The following TNPO1 variants were observed in gnomAD, a reference collection of about 807,000 sequenced individuals.
TNPO1 encodes transportin 1, also known as transportin-1.
In TNPO1, 8 loss-of-function variants were observed where a neutral mutation model predicts 119.5. That is an observed-to-expected ratio of 0.07 (90% CI 0.04 to 0.12). TNPO1 has a LOEUF of 0.12. Ranked by LOEUF, TNPO1 falls within the 10% of genes least tolerant of loss-of-function variation. The pLI, the probability that TNPO1 is intolerant of heterozygous loss-of-function variation, is 1.00. For missense variants in TNPO1, 576 were observed against 1,089.8 expected (o/e 0.53, Z 6.64); for synonymous variants, 362 against 363.0 (o/e 1.00, Z 0.03).
intron 1 of TNPO1, among the ~76,000 whole-genome samples, chr5:72,839,049 G>A (rs1351324018): frequency 6.6e-6 from 1 of 152,092 alleles, no homozygotes; most frequent in Non-Finnish European, 1.5e-5. Flanking sequence ...CTTTTAAAAA[G>A]CTTTTTTTCT....
rs71614493 is a variant in TNPO1 at position 72,862,992 on chromosome 5, TTGTGTGTG to T, written c.462+1105_462+1112del. Reference sequence around the variant, plus strand: ...TACATTAACTCTGACCTGTGGGTTTTTGTGTGTGTGTGTGTGTGTGTGTGTGTGTGTGT... The same window carrying T: ...TACATTAACTCTGACCTGTGGGTTTTTGTGTGTGTGTGTGTGTGTGTGTGT... On this transcript the variant is annotated intron_variant, in intron 5 of 24. Transcript: ENST00000337273. Among the ~76,000 whole-genome samples, 713 of 144,848 alleles carry T rather than the reference TTGTGTGTG, an allele frequency of 4.9e-3. 4 individuals carry two copies. Among genetic ancestry groups the T allele is most frequent in the African/African-American group, 0.017 (660 of 39,106 alleles).
rs375843339 is a variant in TNPO1 at position 72,816,700 on chromosome 5, C to A, written c.-38C>A. ...TCAGGCCCCGGACAGGAGGCAGTGC[C>A]GCTTCGGCCGAAGGCCCGAGCGCCC... On this transcript the variant is annotated 5_prime_UTR_variant, in exon 1 of 25. Coordinates refer to ENST00000337273, the MANE Select transcript of TNPO1 (RefSeq NM_002270.4). 71 of 1,556,562 alleles carry A rather than the reference C, an allele frequency of 4.6e-5. No individual in the cohort carries two copies. The African/African-American group carries it at 9.2e-4, about 20-fold the overall frequency.
At position 72,863,756 on chromosome 5, in the gene TNPO1, A is replaced by G. The variant is rs968910863; in HGVS notation, c.463-1840A>G. 2.6e-5 allele frequency among the ~76,000 whole-genome samples: 4 copies of G among 151,050 alleles called. 1 individual carries two copies. The South Asian group carries it at 8.4e-4, about 32-fold the overall frequency. On this transcript the variant is annotated intron_variant, in intron 5 of 24. Coordinates refer to ENST00000337273, the MANE Select transcript of TNPO1 (RefSeq NM_002270.4). ...AGCCATCTCAAAAAAAAAAAAAAAA[A>G]GGCTTTGGAAATACACTGATAAGAT...
chr5:72,907,121 A>G (rs1750227877), intron 24 of TNPO1, among the ~76,000 whole-genome samples: 1 of 152,100 alleles, frequency 6.6e-6, no homozygotes, highest in African/African-American at 2.4e-5. Flanking sequence ...AGCCCTTCAT[A>G]TGTGTTGTCC....
intron 4 of TNPO1, among the ~76,000 whole-genome samples, chr5:72,860,287 T>A (rs1339741103): frequency 6.6e-6 from 1 of 152,218 alleles, no homozygotes; most frequent in Non-Finnish European, 1.5e-5. Context: ...TTTTCTTTTT[T>A]CATTTTTGTA....
At chr5:72,816,817 G>C in intron 1 of TNPO1, 65 bp downstream of exon 1, 1 of 1,524,614 alleles carries the variant, frequency 6.6e-7, no homozygotes, top group Non-Finnish European at 8.8e-7. Flanking sequence ...GGAGCGCCGA[G>C]CTGCCTGACG....
intron 22 of TNPO1, 89 bp downstream of exon 22, chr5:72,901,162 A>G: frequency 1.3e-6 from 1 of 786,226 alleles, no homozygotes; most frequent in Non-Finnish European, 1.9e-6. Context: ...ATAAAAAGTT[A>G]ACTATTTTCA....
chr5:72,821,654 A>T (rs1273690301), intron 1 of TNPO1, among the ~76,000 whole-genome samples: 4 of 152,216 alleles, frequency 2.6e-5, no homozygotes, highest in African/African-American at 9.6e-5. Context: ...AGATTTACAT[A>T]CTAGTGGAGA....
chr5:72,888,020 TCAAC>T (rs1748780561), intron 12 of TNPO1, 54 bp from the exon 13 acceptor site: 7 of 1,519,346 alleles, frequency 4.6e-6, no homozygotes, highest in Middle Eastern at 2.0e-4. Context: ...ATTTTCATAA[TCAAC>T]CAAAATAATG....
chr5:72,903,548 A>C (rs1251477136), intron 22 of TNPO1, among the ~76,000 whole-genome samples, 161 bp from the exon 23 acceptor site: 1 of 152,214 alleles, frequency 6.6e-6, no homozygotes, highest in Non-Finnish European at 1.5e-5. Context: ...GACAGCCATT[A>C]AGGTAATCTC....
intron 13 of TNPO1, 82 bp downstream of exon 13, chr5:72,888,385 A>G (rs1748808177): frequency 2.5e-6 from 3 of 1,221,112 alleles, no homozygotes; most frequent in Admixed American, 2.3e-5. Context: ...TTGGTGTTAA[A>G]CCTATAATGA....
intron 1 of TNPO1, among the ~76,000 whole-genome samples, chr5:72,824,346 A>G (rs907165786): frequency 2.8e-4 from 43 of 152,188 alleles, no homozygotes; most frequent in African/African-American, 1.0e-3. Flanking sequence ...GTATTTCTCA[A>G]AATAGTTGTC....
At chr5:72,862,047 T>C in intron 5 of TNPO1, 133 bp downstream of exon 5, 1 of 594,490 alleles carries the variant, frequency 1.7e-6, no homozygotes, top group Admixed American at 3.0e-5. Flanking sequence ...AAAGTTACCT[T>C]TGTGTTATAT....
At chr5:72,864,109 G>A (rs1470379723) in intron 5 of TNPO1, among the ~76,000 whole-genome samples, 4 of 151,810 alleles carry the variant, frequency 2.6e-5, no homozygotes, top group Non-Finnish European at 5.9e-5. Context: ...TTAATTTGAT[G>A]TAATAGGCTT....
At position 72,877,244 on chromosome 5, in the gene TNPO1, C is replaced by CTCAAGA. The variant is rs1747862240; in HGVS notation, c.826_831dup (p.Gln276_Asp277dup). 6.2e-7 allele frequency: 1 copy of CTCAAGA among 1,608,224 alleles called. No homozygotes were observed. Among genetic ancestry groups the CTCAAGA allele is most frequent in the Admixed American group, 1.7e-5 (1 of 59,856 alleles). On this transcript the variant is annotated inframe_insertion, in exon 9 of 25. Transcript: ENST00000337273. ...TGTTTCCAGTACATGCTACAGAGGA[C>CTCAAGA]TCAAGATCAAGATGAAAATGTGGCT...
At chr5:72,831,529 A>G (rs1449470265) in intron 1 of TNPO1, among the ~76,000 whole-genome samples, 1 of 151,928 alleles carries the variant, frequency 6.6e-6, no homozygotes, top group Non-Finnish European at 1.5e-5. Flanking sequence ...GTCAACATGA[A>G]TTTCATATTA....
At chr5:72,906,279 T>TTTTC (rs1750154398) in intron 24 of TNPO1, among the ~76,000 whole-genome samples, 1 of 54,802 alleles carries the variant, frequency 1.8e-5, no homozygotes, top group African/African-American at 6.4e-5. Flanking sequence ...TTTTTTCTTT[T>TTTTC]TTTTTTTTTT....
chr5:72,904,625 A>G (rs939419840), intron 23 of TNPO1, among the ~76,000 whole-genome samples: 2 of 152,108 alleles, frequency 1.3e-5, no homozygotes, highest in African/African-American at 4.8e-5. Context: ...GTGAAACGCC[A>G]TCTCTACTAA....
intron 2 of TNPO1, 101 bp from the exon 3 acceptor site, chr5:72,851,143 C>T: frequency 1.4e-6 from 1 of 724,642 alleles, no homozygotes; most frequent in Non-Finnish European, 2.3e-6. Flanking sequence ...AAACGCAGGA[C>T]TGAAAATACC....
Sources: gnomAD v4.1 joint callset for allele counts (sites outside exome capture counted in the v4.1 genomes callset) on GRCh38, gnomAD v4.1.1 for gene constraint, MANE v1.5 for transcripts, NCBI Gene and HGNC (gene_info 2026-07-23, HGNC 2026-07-21) for gene names.